Variants in AGAP1 observed in about 807,000 individuals in gnomAD.
AGAP1 encodes ArfGAP with GTPase domain, ankyrin repeat and PH domain 1.
Under a neutral mutation model 105.3 loss-of-function variants are expected in AGAP1, and 29 were observed. That is an observed-to-expected ratio of 0.28 (90% CI 0.21 to 0.38). AGAP1 has a LOEUF of 0.38. AGAP1 is among the 10% of genes least tolerant of loss of function. The pLI, the probability that AGAP1 is intolerant of heterozygous loss-of-function variation, is 1.00. For synonymous variants in AGAP1, 509 were observed against 485.9 expected, an observed-to-expected ratio of 1.05 and a Z score of -0.63; for missense variants, 998 against 1,165.1, an observed-to-expected ratio of 0.86 and a Z score of 2.09.
intron 3 of AGAP1, among the ~76,000 whole-genome samples, chr2:235,727,860 C>T (rs538848218): frequency 2.6e-5 from 4 of 152,170 alleles, no homozygotes; most frequent in African/African-American, 9.6e-5. Context: ...AGACGAAGTG[C>T]AGAGAAAAGA....
At chr2:236,074,083 T>C (rs2058575572) in intron 16 of AGAP1, among the ~76,000 whole-genome samples, 1 of 151,652 alleles carries the variant, frequency 6.6e-6, no homozygotes, top group Admixed American at 6.6e-5. Flanking sequence ...CTGCTAGCTG[T>C]AGAGATCCAG....
chr2:235,863,726 C>G (rs1051008628), intron 9 of AGAP1, among the ~76,000 whole-genome samples: 4 of 152,212 alleles, frequency 2.6e-5, no homozygotes, highest in African/African-American at 4.8e-5. Context: ...GGAGAAAGCC[C>G]TGGTGTGAGG....
chr2:235,495,166 G>A (rs981723460), intron 1 of AGAP1, among the ~76,000 whole-genome samples: 1 of 152,174 alleles, frequency 6.6e-6, no homozygotes, highest in Non-Finnish European at 1.5e-5. Context: ...CAGACGCCTG[G>A]GGGCAGCCGG....
In AGAP1 at chr2:235,958,249, G is replaced by T. The variant is rs2054031119; in HGVS notation, c.1484-10213G>T. ...AAACTACGTCCCCTGAGGGAGAGTG[G>T]TTGGAGGTGTTTCTGGAGGGCCCTG... On this transcript the variant is annotated intron_variant, in intron 12 of 17. Coordinates refer to ENST00000304032, the MANE Select transcript of AGAP1 (RefSeq NM_001037131.3). The surrounding 1 kb of genome is among the most constrained non-coding windows in gnomAD (Gnocchi z 4.1). 6.6e-6 allele frequency among the ~76,000 whole-genome samples: 1 copy of T among 152,108 alleles called. No individual in the cohort carries two copies. Among genetic ancestry groups the T allele is most frequent in the African/African-American group, 2.4e-5 (1 of 41,426 alleles).
intron 1 of AGAP1, among the ~76,000 whole-genome samples, chr2:235,637,709 G>C (rs564378767): frequency 6.6e-6 from 1 of 152,240 alleles, no homozygotes; most frequent in East Asian, 1.9e-4. Flanking sequence ...CATTATTCAG[G>C]GTTCTCAGAG....
rs2058239188 is a variant in AGAP1 at position 236,062,812 on chromosome 2, C to T, written c.2114+13531C>T. Among the ~76,000 whole-genome samples, 1 of 152,106 alleles carries T rather than the reference C, an allele frequency of 6.6e-6. No individual in the cohort carries two copies. The highest frequency in any genetic ancestry group is 1.5e-5 in the Non-Finnish European group (1 of 68,024). On this transcript the variant is annotated intron_variant, in intron 16 of 17. Transcript: ENST00000304032. The surrounding 1 kb of genome is among the most constrained non-coding windows in gnomAD (Gnocchi z 4.2). ...AAGTAGCTGGGATTACAGGCTCCCG[C>T]CACCTTACCCAGCTAATGTTTGTAT...
rs931325084 is a variant in AGAP1 at position 235,664,719 on chromosome 2, T to C, written c.164-44460T>C. 6.6e-6 allele frequency among the ~76,000 whole-genome samples: 1 copy of C among 152,216 alleles called. No individual in the cohort carries two copies. The highest frequency in any genetic ancestry group is 1.5e-5 in the Non-Finnish European group (1 of 68,030). On this transcript the variant is annotated intron_variant, in intron 1 of 17. Transcript: ENST00000304032. The surrounding 1 kb of genome is among the most constrained non-coding windows in gnomAD (Gnocchi z 5.7). Reference sequence around the variant, plus strand: ...TGTGGGGTCCGATGCTTCCTATGGCTGCATGGAGGAAAGGAGTCTGGGCCT... The same window carrying C: ...TGTGGGGTCCGATGCTTCCTATGGCCGCATGGAGGAAAGGAGTCTGGGCCT...
intron 13 of AGAP1, among the ~76,000 whole-genome samples, chr2:236,017,471 T>TGA (rs2056745814): frequency 6.6e-6 from 1 of 151,496 alleles, no homozygotes; most frequent in Non-Finnish European, 1.5e-5. Flanking sequence ...CCTCACGTCG[T>TGA]GTTACACTAA....
intron 1 of AGAP1, among the ~76,000 whole-genome samples, chr2:235,649,878 G>T (rs759548006): frequency 9.2e-5 from 14 of 152,220 alleles, no homozygotes; most frequent in Non-Finnish European, 1.6e-4. Context: ...GCATGGGCTG[G>T]CTTCCCTTAT....
chr2:235,877,251 C>T lies in AGAP1; in HGVS notation c.1051-6094C>T, dbSNP rs2049790467. 6.6e-6 allele frequency among the ~76,000 whole-genome samples: 1 copy of T among 152,034 alleles called. No individual in the cohort carries two copies. On this transcript the variant is annotated intron_variant, in intron 9 of 17. Coordinates refer to ENST00000304032, the MANE Select transcript of AGAP1 (RefSeq NM_001037131.3). This position sits in a 1 kb window ranked among gnomAD's most constrained non-coding sequence, Gnocchi z 4.3. The stretch of plus-strand genomic sequence containing the variant: ...CAAGCAGAAAACTAAGATTCAGCTC[C>T]TTGTCTTTATAGCTTTTAAATAGAT...
intron 1 of AGAP1, among the ~76,000 whole-genome samples, chr2:235,641,580 C>T (rs941740066): frequency 2.0e-5 from 3 of 152,194 alleles, no homozygotes; most frequent in African/African-American, 4.8e-5. Flanking sequence ...CCCGCCCACG[C>T]GGCTGTGCCT....
chr2:235,898,517 G>A (rs2050917092), intron 10 of AGAP1, among the ~76,000 whole-genome samples: 1 of 123,182 alleles, frequency 8.1e-6, no homozygotes, highest in Non-Finnish European at 1.6e-5. Context: ...AGTGAAAAAT[G>A]GCTTTGCAGG....
intron 6 of AGAP1, among the ~76,000 whole-genome samples, chr2:235,776,009 G>C (rs1034271595): frequency 1.3e-5 from 2 of 152,164 alleles, no homozygotes; most frequent in Admixed American, 6.5e-5. Context: ...TATTTTCCTA[G>C]TTTAATAGGA....
In AGAP1 at chr2:235,566,633, C is replaced by T. The variant is rs1944354934; in HGVS notation, c.163+71784C>T. On this transcript the variant is annotated intron_variant, in intron 1 of 17. Transcript: ENST00000304032. This position sits in a 1 kb window ranked among gnomAD's most constrained non-coding sequence, Gnocchi z 5.2. Reference sequence around the variant, plus strand: ...CTGCCTCTCTTATTTATGTTGTATGCCTGACACCTTCCTCATGCCGCAGGA... The same window carrying T: ...CTGCCTCTCTTATTTATGTTGTATGTCTGACACCTTCCTCATGCCGCAGGA... 2 of 980,900 alleles carry T rather than the reference C, an allele frequency of 2.0e-6. No homozygotes were observed. The highest frequency in any genetic ancestry group is 1.8e-5 in the African/African-American group (1 of 57,120). 60.8% of individuals were successfully genotyped at this position (980,900 alleles called of 1,614,324 possible). A position where few individuals can be genotyped will look rare whatever the true frequency, so the allele number is the denominator to read the frequency against.
Position 235,951,405 on chromosome 2 carries a change from T to A in AGAP1, c.1484-17057T>A, listed in dbSNP as rs569350460. 6.6e-6 allele frequency among the ~76,000 whole-genome samples: 1 copy of A among 152,274 alleles called. No individual in the cohort carries two copies. The highest frequency in any genetic ancestry group is 2.4e-5 in the African/African-American group (1 of 41,546). On this transcript the variant is annotated intron_variant, in intron 12 of 17. Coordinates refer to ENST00000304032, the MANE Select transcript of AGAP1 (RefSeq NM_001037131.3). The surrounding 1 kb of genome is among the most constrained non-coding windows in gnomAD (Gnocchi z 4.2). ...TGCTGTCAGTCATCGTGAGACAGAG[T>A]AGCATGGAACTGAAAAATGTGTAGC...
intron 11 of AGAP1, among the ~76,000 whole-genome samples, chr2:235,910,286 G>GGGCAGTCACTGAGCTGGTTCCTT (rs2051537777): frequency 9.1e-4 from 7 of 7,684 alleles, no homozygotes; most frequent in Non-Finnish European, 1.3e-3. Context: ...TGCCTGTGTT[G>GGGCAGTCACTGAGCTGGTTCCTT]CAGGGGGGCG....
intron 1 of AGAP1, among the ~76,000 whole-genome samples, chr2:235,589,198 T>TTG (rs1945240826): frequency 2.3e-5 from 2 of 87,460 alleles, no homozygotes; most frequent in Admixed American, 2.3e-4. Flanking sequence ...TGTTTTGTTT[T>TTG]TTTTTTTTTT....
Position 235,610,995 on chromosome 2 carries a change from C to G in AGAP1, c.164-98184C>G, listed in dbSNP as rs1946107378. 6.6e-6 allele frequency among the ~76,000 whole-genome samples: 1 copy of G among 152,098 alleles called. No individual in the cohort carries two copies. Among genetic ancestry groups the G allele is most frequent in the Non-Finnish European group, 1.5e-5 (1 of 68,026 alleles). On this transcript the variant is annotated intron_variant, in intron 1 of 17. Transcript: ENST00000304032. This position sits in a 1 kb window ranked among gnomAD's most constrained non-coding sequence, Gnocchi z 4.9. ...CTTGGCTTTCTTCCTAAGGCACCGT[C>G]TTCCTCATTGAAACTGTGCCCATGA...
Position 235,947,559 on chromosome 2 carries a change from T to C in AGAP1, c.1483+16636T>C, listed in dbSNP as rs2053553720. ...AAACATGCATGTGCAAGTGTCTTTTTGTATAATGACTTATTTTCCTCTGGG... is the reference window on the plus strand; with the variant it reads ...AAACATGCATGTGCAAGTGTCTTTTCGTATAATGACTTATTTTCCTCTGGG... On this transcript the variant is annotated intron_variant, in intron 12 of 17. Coordinates refer to ENST00000304032, the MANE Select transcript of AGAP1 (RefSeq NM_001037131.3). Among the ~76,000 whole-genome samples, 3 of 152,254 alleles carry C rather than the reference T, an allele frequency of 2.0e-5. No homozygotes were observed. The South Asian group carries it at 6.2e-4, about 31-fold the overall frequency.
Sources: allele counts gnomAD v4.1 joint callset (sites outside exome capture counted in the v4.1 genomes callset), GRCh38; gene constraint gnomAD v4.1.1; non-coding constraint Gnocchi (gnomAD v3.1); transcripts MANE v1.5; gene names NCBI Gene and HGNC (gene_info 2026-07-23, HGNC 2026-07-21).